COG7: variants seen among roughly 807,000 people sequenced by gnomAD.
COG7 encodes component of oligomeric golgi complex 7, also known as conserved oligomeric Golgi complex subunit 7.
Under a neutral mutation model 91.5 loss-of-function variants are expected in COG7, and 49 were observed. That is an observed-to-expected ratio of 0.54 (90% confidence interval 0.43 to 0.68). The LOEUF (loss-of-function observed/expected upper bound fraction) is 0.68, where lower values mean the gene tolerates loss of function less well. Among genes scored for constraint, COG7 ranks in the 30% least tolerant of loss-of-function variants. COG7 has a pLI of 0.00. For synonymous variants in COG7, 365 were observed against 388.7 expected (o/e 0.94, Z 0.72); for missense variants, 895 against 961.3 (o/e 0.93, Z 0.91).
At chr16:23,405,942 G>C in intron 12 of COG7, 134 bp downstream of exon 12, 1 of 800,634 alleles carries the variant, frequency 1.2e-6, no homozygotes, top group South Asian at 1.4e-5. Context: ...ACATAAATGA[G>C]ACAGAGAGGT....
intron 15 of COG7, 33 bp downstream of exon 15, chr16:23,393,200 C>T (rs1412054271): frequency 6.6e-7 from 1 of 1,512,978 alleles, no homozygotes; most frequent in Non-Finnish European, 9.2e-7. Flanking sequence ...GACAGCTTGA[C>T]TTGTAACATC....
intron 10 of COG7, 59 bp downstream of exon 10, chr16:23,413,389 T>G (rs1963598050): frequency 1.1e-6 from 1 of 896,002 alleles, no homozygotes; most frequent in Non-Finnish European, 1.9e-6. Flanking sequence ...ATATACTATA[T>G]CATGCATGTT....
chr16:23,430,102 G>A (rs1963910552), intron 6 of COG7, among the ~76,000 whole-genome samples: 1 of 152,132 alleles, frequency 6.6e-6, no homozygotes. Flanking sequence ...ATTTGTAGTT[G>A]TCAAATGAAT....
chr16:23,445,673 A>G (rs1964169605), intron 2 of COG7, 140 bp downstream of exon 2: 7 of 856,090 alleles, frequency 8.2e-6, no homozygotes, highest in Non-Finnish European at 1.4e-5. Flanking sequence ...AAAAAAGAGC[A>G]TAGCTGGAGT....
chr16:23,439,158 CAAAA>C (rs1288559124), intron 4 of COG7, among the ~76,000 whole-genome samples: 2 of 53,742 alleles, frequency 3.7e-5, no homozygotes, highest in Non-Finnish European at 7.2e-5. Context: ...ACTGTGTCTC[CAAAA>C]AAAAAAAAAA....
At chr16:23,399,948 A>G (rs912769220) in intron 13 of COG7, among the ~76,000 whole-genome samples, 1 of 152,174 alleles carries the variant, frequency 6.6e-6, no homozygotes, top group Non-Finnish European at 1.5e-5. Context: ...AACACTGATG[A>G]CATTAGGAAT....
chr16:23,418,598 T>G, intron 8 of COG7, 102 bp downstream of exon 8: 1 of 1,070,096 alleles, frequency 9.3e-7, no homozygotes, highest in South Asian at 1.3e-5. Context: ...AAAGGTCATA[T>G]TTCAGCACCC....
chr16:23,405,807 A>G (rs1963451426), intron 12 of COG7, among the ~76,000 whole-genome samples: 1 of 152,134 alleles, frequency 6.6e-6, no homozygotes, highest in East Asian at 1.9e-4. Context: ...GTGAGCCACC[A>G]CACCTGGCCT....
At position 23,406,337 on chromosome 16, in the gene COG7, C is replaced by T. The variant is rs574206161; in HGVS notation, c.1476-75G>A. ...TTCTTCTTGGAGCAGTCAGATTGCT[C>T]CTTACTAAATTCAAAGATAATCCTC... On this transcript the variant is annotated intron_variant, in intron 11 of 16. Coordinates refer to ENST00000307149, the MANE Select transcript of COG7 (RefSeq NM_153603.4). 30 of 1,273,986 alleles carry T rather than the reference C, an allele frequency of 2.4e-5. No individual in the cohort carries two copies. In the South Asian group the frequency reaches 3.1e-4, roughly 13 times the overall value. The allele number at this position is 1,273,986 out of a possible 1,614,324, so 78.9% of individuals were successfully genotyped here. A position where few individuals can be genotyped will look rare whatever the true frequency, so the allele number is the denominator to read the frequency against.
At chr16:23,419,974 C>A (rs1217627620) in intron 7 of COG7, among the ~76,000 whole-genome samples, 1 of 151,782 alleles carries the variant, frequency 6.6e-6, no homozygotes, top group African/African-American at 2.4e-5. Flanking sequence ...CCCATCTCTA[C>A]TAAAAATACA....
intron 16 of COG7, among the ~76,000 whole-genome samples, chr16:23,390,549 T>C (rs925896709): frequency 6.6e-6 from 1 of 151,992 alleles, no homozygotes. Flanking sequence ...CTCTTCTCCT[T>C]GACTAAAGTG....
intron 7 of COG7, among the ~76,000 whole-genome samples, chr16:23,421,202 A>G (rs938991268): frequency 1.3e-5 from 2 of 151,628 alleles, no homozygotes; most frequent in East Asian, 1.9e-4. Flanking sequence ...TATTAGGTAC[A>G]TGTATTAACT....
At chr16:23,447,687 G>A (rs1964203824) in intron 1 of COG7, among the ~76,000 whole-genome samples, 1 of 151,638 alleles carries the variant, frequency 6.6e-6, no homozygotes, top group African/African-American at 2.4e-5. Flanking sequence ...AGATCACGAG[G>A]TCAAGAGATC....
At chr16:23,410,737 G>A (rs1039159204) in intron 10 of COG7, among the ~76,000 whole-genome samples, 3 of 151,748 alleles carry the variant, frequency 2.0e-5, no homozygotes, top group South Asian at 2.1e-4. Flanking sequence ...ACTAAGTCTC[G>A]CTCTGTCACC....
intron 1 of COG7, 121 bp from the exon 2 acceptor site, chr16:23,446,082 C>T (rs1964178343): frequency 4.9e-6 from 6 of 1,216,418 alleles, no homozygotes; most frequent in South Asian, 2.8e-5. Flanking sequence ...AATGCACGAC[C>T]AACCAAACGG....
At chr16:23,447,774 C>CG (rs1964204993) in intron 1 of COG7, among the ~76,000 whole-genome samples, 1 of 151,698 alleles carries the variant, frequency 6.6e-6, no homozygotes, top group Non-Finnish European at 1.5e-5. Context: ...GTGGTGTGTG[C>CG]CTGTAGCCCC....
In COG7 at chr16:23,452,819, G is replaced by A. The variant is rs751076360; in HGVS notation, c.169+7C>T. On this transcript the variant is annotated splice_region_variant and intron_variant, in intron 1 of 16. Transcript: ENST00000307149. The stretch of plus-strand genomic sequence containing the variant: ...GGGTCCCGCGGCCAGGGCCCCGAGC[G>A]GCTCACCCTCCACGGCGTGGTTCAC... 1.2e-6 allele frequency: 2 copies of A among 1,610,082 alleles called. No individual in the cohort carries two copies. The highest frequency in any genetic ancestry group is 1.3e-5 in the African/African-American group (1 of 74,966).
intron 1 of COG7, among the ~76,000 whole-genome samples, chr16:23,449,724 C>A (rs1462247992): frequency 6.7e-6 from 1 of 149,362 alleles, no homozygotes; most frequent in African/African-American, 2.5e-5. Context: ...GCACTCCATC[C>A]TGGGCAACAA....
chr16:23,408,662 T>C (rs1963509596), intron 11 of COG7, among the ~76,000 whole-genome samples: 1 of 151,990 alleles, frequency 6.6e-6, no homozygotes, highest in South Asian at 2.1e-4. Flanking sequence ...AACTCACTCC[T>C]GAATGCCCAG....
Sources: gnomAD v4.1 joint callset for allele counts (sites outside exome capture counted in the v4.1 genomes callset) on GRCh38, gnomAD v4.1.1 for gene constraint, MANE v1.5 for transcripts, NCBI Gene and HGNC (gene_info 2026-07-23, HGNC 2026-07-21) for gene names.